Variants in YES1 observed in about 807,000 individuals in gnomAD.
The protein encoded by YES1 is YES proto-oncogene 1, Src family tyrosine kinase.
In YES1, 39 loss-of-function variants were observed where a neutral mutation model predicts 70.4. The ratio of observed to expected loss-of-function variants is 0.55; its 90% CI spans 0.43 to 0.72. The LOEUF (loss-of-function observed/expected upper bound fraction) is 0.72. YES1 is among the 30% of genes least tolerant of loss of function. The pLI, the probability that YES1 is intolerant of heterozygous loss-of-function variation, is 0.00. For synonymous variants in YES1, 198 were observed against 218.6 expected, an observed-to-expected ratio of 0.91 and a Z score of 0.83; for missense variants, 495 against 644.8, an observed-to-expected ratio of 0.77 and a Z score of 2.52.
intron 11 of YES1, among the ~76,000 whole-genome samples, chr18:724,958 T>A (rs938843532): frequency 6.6e-6 from 1 of 152,198 alleles, no homozygotes; most frequent in Non-Finnish European, 1.5e-5. Flanking sequence ...CATTTAACAA[T>A]GACCAAACTT....
At chr18:777,682 C>T (rs531910191) in intron 1 of YES1, among the ~76,000 whole-genome samples, 1 of 152,078 alleles carries the variant, frequency 6.6e-6, no homozygotes, top group South Asian at 2.1e-4. Flanking sequence ...TGGTGTGCGC[C>T]TGTAATCCCA....
chr18:730,507 A>G (rs534688818), intron 11 of YES1, among the ~76,000 whole-genome samples: 4 of 151,988 alleles, frequency 2.6e-5, no homozygotes, highest in East Asian at 3.9e-4. Context: ...ACCACGCCCA[A>G]CTGGAATTTT....
chr18:762,521 C>T (rs1904644815), intron 1 of YES1, among the ~76,000 whole-genome samples: 2 of 151,826 alleles, frequency 1.3e-5, no homozygotes, highest in South Asian at 4.2e-4. Context: ...AACAATAAAC[C>T]AAACAAGAAA....
rs1060922 is a variant in YES1, at chr18:722,402, T to C, written c.*2022A>G. 0.46 allele frequency: 70,611 copies of C among 152,476 alleles called. 16,600 individuals are homozygous for C. The highest frequency in any genetic ancestry group is 0.55 in the African/African-American group (22,601 of 41,450). 9.4% of individuals were successfully genotyped at this position (152,476 alleles called of 1,614,324 possible). ...AAAATGGTTTGAATTTGAACATATATGCCATGGCACAGAATTTCGAATCTG... is the reference window on the plus strand; with the variant it reads ...AAAATGGTTTGAATTTGAACATATACGCCATGGCACAGAATTTCGAATCTG... On this transcript the variant is annotated 3_prime_UTR_variant, in exon 12 of 12. Transcript: ENST00000314574.
chr18:747,139 C>T (rs574636443), intron 4 of YES1, among the ~76,000 whole-genome samples: 3 of 152,088 alleles, frequency 2.0e-5, no homozygotes, highest in Admixed American at 6.5e-5. Flanking sequence ...GATAATAAAT[C>T]TCTGAAATAT....
At chr18:808,596 A>T (rs1488528670) in intron 1 of YES1, among the ~76,000 whole-genome samples, 2 of 152,244 alleles carry the variant, frequency 1.3e-5, no homozygotes, top group African/African-American at 4.8e-5. Flanking sequence ...GGAAGATCTT[A>T]CTAAAACTTC....
chr18:732,490 G>A (rs2080104478), intron 11 of YES1, among the ~76,000 whole-genome samples: 1 of 148,160 alleles, frequency 6.7e-6, no homozygotes, highest in Admixed American at 6.8e-5. Context: ...GGAAAGAACA[G>A]TTATTTAGGG....
chr18:772,035 GT>G (rs879920795), intron 1 of YES1, among the ~76,000 whole-genome samples: 2 of 148,684 alleles, frequency 1.3e-5, no homozygotes, highest in South Asian at 2.2e-4. Context: ...GCATGTTCAA[GT>G]TTTTTTTTTG....
chr18:768,547 TTATTTC>T (rs1450776886), intron 1 of YES1, among the ~76,000 whole-genome samples: 4 of 152,154 alleles, frequency 2.6e-5, no homozygotes, highest in Non-Finnish European at 5.9e-5. Context: ...TGTTACTACT[TTATTTC>T]TATTTCCAAC....
At chr18:808,343 C>A (rs921446245) in intron 1 of YES1, among the ~76,000 whole-genome samples, 1 of 152,150 alleles carries the variant, frequency 6.6e-6, no homozygotes, top group Admixed American at 6.5e-5. Context: ...TTAGTAATCA[C>A]CCAGCAGCTG....
At chr18:736,550 G>T in intron 10 of YES1, 1 of 290,556 alleles carries the variant, frequency 3.4e-6, no homozygotes, top group Non-Finnish European at 6.3e-6. Context: ...AAATATATTT[G>T]TTGTCATGTC....
intron 1 of YES1, among the ~76,000 whole-genome samples, chr18:801,794 T>C (rs971385244): frequency 6.6e-6 from 1 of 152,190 alleles, no homozygotes; most frequent in Non-Finnish European, 1.5e-5. Context: ...TTTAGTGTAA[T>C]AACTCATCTT....
At chr18:764,612 C>T (rs908371420) in intron 1 of YES1, among the ~76,000 whole-genome samples, 1 of 152,020 alleles carries the variant, frequency 6.6e-6, no homozygotes, top group African/African-American at 2.4e-5. Flanking sequence ...TCAGATGGTT[C>T]GTTTTAGGTT....
At chr18:795,910 TAAACAC>T (rs1456067694) in intron 1 of YES1, among the ~76,000 whole-genome samples, 2 of 101,636 alleles carry the variant, frequency 2.0e-5, no homozygotes, top group Non-Finnish European at 3.9e-5. Context: ...TCCCAGAACT[TAAACAC>T]ACACACACAC....
Position 746,126 on chromosome 18 carries a change from G to A in YES1, c.471-75C>T. ...ATTATACAGAAGTGTCAGTAAGAAT[G>A]GACTGGGATAGGTTTGGACGACAAA... On this transcript the variant is annotated intron_variant, in intron 4 of 11. Coordinates refer to ENST00000314574, the MANE Select transcript of YES1 (RefSeq NM_005433.4). 6 of 1,083,884 alleles carry A rather than the reference G, an allele frequency of 5.5e-6. No individual in the cohort carries two copies. The South Asian group carries it at 8.2e-5, about 15-fold the overall frequency. The allele number at this position is 1,083,884 out of a possible 1,614,324, so 67.1% of individuals were successfully genotyped here. A position where few individuals can be genotyped will look rare whatever the true frequency, so the allele number is the denominator to read the frequency against.
In YES1 at chr18:732,955, A is replaced by G; in HGVS notation, c.1302T>C (p.Phe434=). The G allele has an allele frequency of 6.2e-7, 1 of 1,614,140 alleles. No individual in the cohort carries two copies. The highest frequency in any genetic ancestry group is 8.5e-7 in the Non-Finnish European group (1 of 1,180,004). Residue 434 remains phenylalanine (F), a synonymous_variant, in exon 11 of 12, where the codon TTT becomes TTC. Transcript: ENST00000314574. ...CTTCAGGAGCTGTCCATTTGATTGG[A>G]AATTTTGCACCTAAAATAATGTTGA... The part of the protein sequence containing the change: ...NEYTARQGAK[F]PIKWTAPEAA...
rs189046472 is a variant in YES1, at chr18:782,749, C to G, written c.-8-25914G>C. 5.3e-4 allele frequency among the ~76,000 whole-genome samples: 81 copies of G among 152,296 alleles called. No homozygotes were observed. In the Middle Eastern group the frequency reaches 0.02, roughly 38 times the overall value. Reference sequence around the variant, plus strand: ...TCGTTCTGTCACCCAGGTTGGAGTGCAGCGGCACAATCTCGGCTCACTGCA... The same window carrying G: ...TCGTTCTGTCACCCAGGTTGGAGTGGAGCGGCACAATCTCGGCTCACTGCA... On this transcript the variant is annotated intron_variant, in intron 1 of 11. Coordinates refer to ENST00000314574, the MANE Select transcript of YES1 (RefSeq NM_005433.4).
In YES1 at chr18:782,893, C is replaced by A. The variant is rs374585307; in HGVS notation, c.-8-26058G>T. Among the ~76,000 whole-genome samples, 5 of 152,248 alleles carry A rather than the reference C, an allele frequency of 3.3e-5. No homozygotes were observed. The South Asian group carries it at 6.2e-4, about 19-fold the overall frequency. On this transcript the variant is annotated intron_variant, in intron 1 of 11. Transcript: ENST00000314574. ...TATTTTTAGTAGAGACAGGGTTTCG[C>A]CATATTAGCCACTCCTAACCTGAAG...
At chr18:741,808 AAAC>A (rs1426985317) in intron 8 of YES1, among the ~76,000 whole-genome samples, 2 of 151,952 alleles carry the variant, frequency 1.3e-5, no homozygotes, top group Admixed American at 6.5e-5. Context: ...AAAAAAACAA[AAAC>A]AACAAACAAA....
Sources: allele counts gnomAD v4.1 joint callset (sites outside exome capture counted in the v4.1 genomes callset), GRCh38; gene constraint gnomAD v4.1.1; transcripts MANE v1.5; gene names NCBI Gene and HGNC (gene_info 2026-07-23, HGNC 2026-07-21).